The following TATDN2 variants were observed in gnomAD, a reference collection of about 807,000 sequenced individuals.
TATDN2 encodes the protein 3'-5' RNA nuclease TATDN2.
A neutral mutation model predicts 60.3 loss-of-function variants in TATDN2; 44 were observed. The ratio of observed to expected loss-of-function variants is 0.73; its 90% CI spans 0.57 to 0.94. The LOEUF is 0.94. TATDN2 is among the 40% of genes least tolerant of loss of function. The pLI is 0.00. For synonymous variants in TATDN2, 399 were observed against 355.8 expected, an observed-to-expected ratio of 1.12 and a Z score of -1.37; for missense variants, 997 against 948.0, an observed-to-expected ratio of 1.05 and a Z score of -0.68.
rs117432140 is a variant in TATDN2, at chr3:10,275,329, G to A, written c.1834-1032G>A. Among the ~76,000 whole-genome samples, 62 of 152,246 alleles carry A rather than the reference G, an allele frequency of 4.1e-4. No homozygotes were observed. The East Asian group carries it at 0.011, about 28-fold the overall frequency. ...CCTGGGCTCGTTAGAGGAAAGAACA[G>A]GTCCTAACTCTACTTTTTTCATTTA... On this transcript the variant is annotated intron_variant, in intron 4 of 7. Transcript: ENST00000448281.
chr3:10,260,485 G>T lies in TATDN2; in HGVS notation c.763G>T (p.Glu255Ter), dbSNP rs1279118788. The T allele has an allele frequency of 6.2e-7, 1 of 1,614,046 alleles. No homozygotes were observed. The highest frequency in any genetic ancestry group is 1.1e-5 in the South Asian group (1 of 91,080). Residue 255 changes from glutamate (E) to a stop codon, truncating the protein, a stop_gained, in exon 3 of 8, where the codon GAG becomes TAG. Coordinates refer to ENST00000448281, the MANE Select transcript of TATDN2 (RefSeq NM_014760.4). LOFTEE classifies it high-confidence loss of function. ...AAQKEKDATP[E>*]VSMEEDKTVP... ...TCAGAAGGAGAAAGACGCAACCCCA[G>T]AGGTCAGCATGGAGGAGGATAAGAC... is the stretch of plus-strand genomic sequence containing the variant.
chr3:10,261,145 G>T (rs11712361), intron 3 of TATDN2, among the ~76,000 whole-genome samples: 24,021 of 152,138 alleles, frequency 0.16, 2,309 homozygotes, highest in Middle Eastern at 0.25. Flanking sequence ...TTCCTTCCCT[G>T]TTAAGAGCTT....
At chr3:10,266,931 CTT>C (rs199956355) in intron 3 of TATDN2, among the ~76,000 whole-genome samples, 125 of 126,808 alleles carry the variant, frequency 9.9e-4, no homozygotes, top group Admixed American at 3.2e-3. Context: ...CTAAGGCAGT[CTT>C]TTTTTTTTTT....
chr3:10,274,361 G>A (rs924406773), intron 4 of TATDN2, among the ~76,000 whole-genome samples: 11 of 151,406 alleles, frequency 7.3e-5, no homozygotes, highest in African/African-American at 1.2e-4. Context: ...TGCACCTGTC[G>A]TAGGTTGGAT....
rs142925575 is a variant in TATDN2 at position 10,264,368 on chromosome 3, T to C, written c.948+3698T>C. Among the ~76,000 whole-genome samples, 171 of 152,352 alleles carry C rather than the reference T, an allele frequency of 1.1e-3. 3 individuals carry two copies. The highest frequency in any genetic ancestry group is 3.8e-3 in the African/African-American group (158 of 41,582). ...TTTCTAGCCTCCAGTGCGTGATCAC[T>C]GTAGTCTCTTGTTCTTCCTGTTCTG... On this transcript the variant is annotated intron_variant, in intron 3 of 7. Coordinates refer to ENST00000448281, the MANE Select transcript of TATDN2 (RefSeq NM_014760.4).
At position 10,248,680 on chromosome 3, in the gene TATDN2, G is replaced by A. The variant is rs1400386224; in HGVS notation, c.-394G>A. On this transcript the variant is annotated 5_prime_UTR_variant, in exon 1 of 8. Transcript: ENST00000448281. ...CGAGGGGCCGCTCGGGCCCCTTCCG[G>A]CCCGGGTCTGGTTGGGCCGCAGGAG... The A allele has an allele frequency of 6.6e-6, 1 of 151,774 alleles. No individual in the cohort carries two copies. The highest frequency in any genetic ancestry group is 2.4e-5 in the African/African-American group (1 of 41,360). 9.4% of individuals were successfully genotyped at this position (151,774 alleles called of 1,614,324 possible). A position where few individuals can be genotyped will look rare whatever the true frequency, so the allele number is the denominator to read the frequency against.
intron 3 of TATDN2, 25 bp from the exon 4 acceptor site, chr3:10,270,106 C>T: frequency 6.3e-7 from 1 of 1,588,006 alleles, no homozygotes; most frequent in South Asian, 1.2e-5. Context: ...GGCTAACCCA[C>T]TGTTGTATGC....
intron 4 of TATDN2, among the ~76,000 whole-genome samples, chr3:10,275,994 A>T (rs1698631292): frequency 6.6e-6 from 1 of 152,106 alleles, no homozygotes; most frequent in Non-Finnish European, 1.5e-5. Context: ...TATGTTCTTG[A>T]TCCCTGCCCT....
rs748092407 is a variant in TATDN2, at chr3:10,249,640, C to G, written c.414+26C>G. ...GTAGGTGGCTGCCACGCTTTGCAAT[C>G]GGTGAAGCCCCTTCCACATGGCTTG... On this transcript the variant is annotated intron_variant, in intron 2 of 7. Transcript: ENST00000448281. The G allele has an allele frequency of 1.9e-5, 29 of 1,497,198 alleles. No homozygotes were observed. The South Asian group carries it at 3.7e-4, about 19-fold the overall frequency. The allele number at this position is 1,497,198 out of a possible 1,614,324, so 92.7% of individuals were successfully genotyped here. A position where few individuals can be genotyped will look rare whatever the true frequency, so the allele number is the denominator to read the frequency against.
intron 3 of TATDN2, among the ~76,000 whole-genome samples, chr3:10,261,520 G>A (rs140538588): frequency 5.3e-5 from 8 of 152,070 alleles, no homozygotes; most frequent in East Asian, 3.9e-4. Context: ...ACAGGTGTGC[G>A]CCACCAAACC....
chr3:10,274,215 GTTC>G (rs1335777409), intron 4 of TATDN2, among the ~76,000 whole-genome samples: 4 of 152,086 alleles, frequency 2.6e-5, no homozygotes, highest in African/African-American at 7.2e-5. Context: ...ATTCTAATGA[GTTC>G]TTCTTCCTTC....
At chr3:10,252,129 C>T (rs764256015) in intron 2 of TATDN2, among the ~76,000 whole-genome samples, 1 of 121,202 alleles carries the variant, frequency 8.3e-6, no homozygotes, top group Non-Finnish European at 1.6e-5. Flanking sequence ...GCCTGGGCAA[C>T]AGAGTGAGAC....
intron 3 of TATDN2, among the ~76,000 whole-genome samples, chr3:10,264,941 G>A (rs1374587047): frequency 6.7e-6 from 1 of 149,864 alleles, no homozygotes; most frequent in Non-Finnish European, 1.5e-5. Flanking sequence ...CTCCCAAAGT[G>A]CTGGGATTAC....
chr3:10,270,562 G>A lies in TATDN2; in HGVS notation c.1380G>A (p.Lys460=), dbSNP rs1483881033. Residue 460 remains lysine, a synonymous_variant, in exon 4 of 8, where the codon AAG becomes AAA. Coordinates refer to ENST00000448281, the MANE Select transcript of TATDN2 (RefSeq NM_014760.4). ...FSRSSEEREV[K]EKRTFQEEMP... is the part of the protein sequence containing the mutation. Reference sequence around the variant, plus strand: ...GAAGCTCAGAAGAAAGAGAGGTGAAGGAGAAAAGAACATTCCAAGAGGAGA... The same window carrying A: ...GAAGCTCAGAAGAAAGAGAGGTGAAAGAGAAAAGAACATTCCAAGAGGAGA... 6.2e-7 allele frequency: 1 copy of A among 1,614,232 alleles called. No individual in the cohort carries two copies. Among genetic ancestry groups the A allele is most frequent in the Admixed American group, 1.7e-5 (1 of 60,030 alleles).
intron 3 of TATDN2, among the ~76,000 whole-genome samples, chr3:10,264,411 G>C (rs2125176573): frequency 6.6e-6 from 1 of 152,308 alleles, no homozygotes. Flanking sequence ...TGTTATTGTA[G>C]AGGGGTTTTA....
intron 2 of TATDN2, among the ~76,000 whole-genome samples, chr3:10,257,292 A>T (rs1265496148): frequency 7.0e-6 from 1 of 143,724 alleles, no homozygotes; most frequent in East Asian, 2.1e-4. Context: ...CTCAAAAAAA[A>T]ATTATATATA....
At chr3:10,267,959 T>TG (rs1338607497) in intron 3 of TATDN2, among the ~76,000 whole-genome samples, 1 of 152,258 alleles carries the variant, frequency 6.6e-6, no homozygotes, top group Non-Finnish European at 1.5e-5. Context: ...TTTTATTGTC[T>TG]GGGTTGATGG....
rs143664584 is a variant in TATDN2 at position 10,272,524 on chromosome 3, C to A, written c.1833+1509C>A. Among the ~76,000 whole-genome samples, 1,271 of 151,908 alleles carry A rather than the reference C, an allele frequency of 8.4e-3. 23 individuals carry two copies. Among genetic ancestry groups the A allele is most frequent in the African/African-American group, 0.029 (1,193 of 41,368 alleles). ...CATGATATTGGCTCACTGCAGCCTC[C>A]AGTTCCCAGGTTCAAGCGATTCTCT... On this transcript the variant is annotated intron_variant, in intron 4 of 7. Coordinates refer to ENST00000448281, the MANE Select transcript of TATDN2 (RefSeq NM_014760.4).
chr3:10,257,841 A>T (rs1244122640), intron 2 of TATDN2, among the ~76,000 whole-genome samples: 21 of 30,298 alleles, frequency 6.9e-4, no homozygotes, highest in East Asian at 2.9e-3. Context: ...AAGGTTTATG[A>T]TTTTTTTTTT....
Sources: allele counts gnomAD v4.1 joint callset (sites outside exome capture counted in the v4.1 genomes callset), GRCh38; gene constraint gnomAD v4.1.1; transcripts MANE v1.5; gene names NCBI Gene and HGNC (gene_info 2026-07-23, HGNC 2026-07-21).